PCLO: variants seen among roughly 807,000 people sequenced by gnomAD.
The protein encoded by PCLO is piccolo presynaptic cytomatrix protein.
A neutral mutation model predicts 427.5 loss-of-function variants in PCLO; 82 were observed. The ratio of observed to expected loss-of-function variants is 0.19; its 90% CI spans 0.16 to 0.23. The LOEUF (loss-of-function observed/expected upper bound fraction) is 0.23. Among genes scored for constraint, PCLO ranks in the 10% least tolerant of loss-of-function variants. The pLI is 1.00. For synonymous variants in PCLO, 2,357 were observed against 2,155.4 expected (o/e 1.09, Z -2.59); for missense variants, 6,239 against 6,115.9 (o/e 1.02, Z -0.67).
intron 3 of PCLO, among the ~76,000 whole-genome samples, chr7:83,072,894 C>T (rs910655798): frequency 6.6e-6 from 1 of 151,956 alleles, no homozygotes; most frequent in Admixed American, 6.6e-5. Flanking sequence ...TCCATAATTG[C>T]TTGACTCCTT....
intron 1 of PCLO, among the ~76,000 whole-genome samples, chr7:83,158,929 T>C (rs1332418710): frequency 6.6e-6 from 1 of 152,006 alleles, no homozygotes; most frequent in African/African-American, 2.4e-5. Context: ...GTAAAGGTGC[T>C]GCTGTCTTTT....
At chr7:83,086,889 T>TA (rs1386942479) in intron 3 of PCLO, among the ~76,000 whole-genome samples, 1 of 151,620 alleles carries the variant, frequency 6.6e-6, no homozygotes, top group Non-Finnish European at 1.5e-5. Flanking sequence ...TATGCAGCCA[T>TA]AAAAAAGGAT....
At chr7:83,150,714 A>G (rs543686800) in intron 2 of PCLO, among the ~76,000 whole-genome samples, 2 of 152,180 alleles carry the variant, frequency 1.3e-5, no homozygotes, top group Non-Finnish European at 2.9e-5. Context: ...GTAACAAAAA[A>G]TATTAGAGAA....
At chr7:83,120,610 T>A (rs1468691709) in intron 3 of PCLO, among the ~76,000 whole-genome samples, 1 of 151,306 alleles carries the variant, frequency 6.6e-6, no homozygotes, top group Non-Finnish European at 1.5e-5. Flanking sequence ...AAGAAGAAAA[T>A]AACATAAACA....
At chr7:83,137,519 C>T (rs1791759403) in intron 2 of PCLO, among the ~76,000 whole-genome samples, 1 of 152,162 alleles carries the variant, frequency 6.6e-6, no homozygotes, top group African/African-American at 2.4e-5. Flanking sequence ...CAAGCTCTGC[C>T]TCCCAGGTTC....
At chr7:83,115,286 T>C (rs1298504248) in intron 3 of PCLO, among the ~76,000 whole-genome samples, 1 of 152,042 alleles carries the variant, frequency 6.6e-6, no homozygotes, top group African/African-American at 2.4e-5. Flanking sequence ...GTGAAGTACT[T>C]TGAGATAATG....
At chr7:83,132,598 A>G (rs1308579064) in intron 3 of PCLO, among the ~76,000 whole-genome samples, 2 of 152,128 alleles carry the variant, frequency 1.3e-5, no homozygotes, top group Non-Finnish European at 2.9e-5. Flanking sequence ...AATTACTATA[A>G]TTCAGATGCA....
rs1475285037 is a variant in PCLO, at chr7:82,966,383, A to C, written c.3405T>G (p.Ser1135=). The C allele has an allele frequency of 2.5e-6, 4 of 1,613,710 alleles. No homozygotes were observed. The South Asian group carries it at 3.3e-5, about 13-fold the overall frequency. ...MPPAPSGPKA[S]PMPVPTESSS... The stretch of plus-strand genomic sequence containing the variant: ...ATGATTCTGTAGGAACAGGCATAGG[A>C]GATGCTTTGGGTCCTGATGGTGCAG... Residue 1135 remains serine, a synonymous_variant, in exon 4 of 25, where the codon TCT becomes TCG. Coordinates refer to ENST00000333891, the MANE Select transcript of PCLO (RefSeq NM_033026.6).
chr7:82,790,204 G>GTGTAATTTTCCTTCTGTGT (rs1562787328), intron 22 of PCLO, among the ~76,000 whole-genome samples: 1 of 151,980 alleles, frequency 6.6e-6, no homozygotes, highest in East Asian at 1.9e-4. Flanking sequence ...CCATCCTTCA[G>GTGTAATTTTCCTTCTGTGT]AACCCCAAAT....
In PCLO at chr7:82,951,325, A is replaced by C. The variant is rs763669516; in HGVS notation, c.9263T>G (p.Val3088Gly). The C allele has an allele frequency of 1.7e-5, 27 of 1,611,554 alleles. No individual in the cohort carries two copies. The Admixed American group carries it at 3.7e-4, about 22-fold the overall frequency. Residue 3088 changes from valine to glycine, a missense_variant, in exon 6 of 25, where the codon GTT becomes GGT. Physicochemically the swap from Val to Gly is moderately radical, Grantham distance 109 (BLOSUM62 -3). Transcript: ENST00000333891. ...VGSVLRSSNG[V>G]VYSSVATPTP... ...TGGAGTTGCTACTGAAGAATAGACA[A>C]CACCATTAGATGACCTCAAAACACT...
intron 9 of PCLO, among the ~76,000 whole-genome samples, chr7:82,898,131 G>A (rs563014538): frequency 7.9e-5 from 12 of 151,592 alleles, no homozygotes; most frequent in African/African-American, 2.7e-4. Context: ...GAAGGCAGCT[G>A]AATTTTCACA....
At chr7:82,978,450 A>G (rs985162961) in intron 3 of PCLO, among the ~76,000 whole-genome samples, 30 of 152,120 alleles carry the variant, frequency 2.0e-4, no homozygotes, top group African/African-American at 7.2e-4. Context: ...AATCTTTGTG[A>G]GACTCTGAAG....
intron 22 of PCLO, among the ~76,000 whole-genome samples, chr7:82,776,578 T>C (rs2129467973): frequency 6.6e-6 from 1 of 152,346 alleles, no homozygotes; most frequent in African/African-American, 2.4e-5. Context: ...GCAGATCACT[T>C]GAAATCAGAA....
At position 82,956,822 on chromosome 7, in the gene PCLO, A is replaced by T; in HGVS notation, c.4131T>A (p.Ile1377=). 2 of 1,613,480 alleles carry T rather than the reference A, an allele frequency of 1.2e-6. No homozygotes were observed. The highest frequency in any genetic ancestry group is 1.7e-6 in the Non-Finnish European group (2 of 1,179,484). The change falls in exon 5 of 25, where the codon ATT becomes ATA. Residue 1377 remains isoleucine (I), a synonymous_variant. Transcript: ENST00000333891. ...SDGISSSLGE[I]PSLIPTDEKD... ...TTTCATCAGTTGGAATAAGACTTGGAATTTCACCAAGTGAGCTTGATATTC... is the reference window on the plus strand; with the variant it reads ...TTTCATCAGTTGGAATAAGACTTGGTATTTCACCAAGTGAGCTTGATATTC...
chr7:83,000,012 C>T (rs1225832915), intron 3 of PCLO, among the ~76,000 whole-genome samples: 1 of 143,338 alleles, frequency 7.0e-6, no homozygotes, highest in Non-Finnish European at 1.5e-5. Context: ...CCAGGAAACT[C>T]TGAGAACACC....
intron 22 of PCLO, among the ~76,000 whole-genome samples, chr7:82,764,113 A>C (rs1030742863): frequency 6.6e-6 from 1 of 151,998 alleles, no homozygotes; most frequent in Non-Finnish European, 1.5e-5. Context: ...TATTTATGAC[A>C]AAGTATAAAG....
At chr7:82,789,668 G>A (rs1030596078) in intron 22 of PCLO, among the ~76,000 whole-genome samples, 1 of 152,154 alleles carries the variant, frequency 6.6e-6, no homozygotes, top group African/African-American at 2.4e-5. Flanking sequence ...TCGCACCACT[G>A]CGCTCCAGCC....
At chr7:83,048,082 GA>G (rs1187095965) in intron 3 of PCLO, among the ~76,000 whole-genome samples, 2 of 151,904 alleles carry the variant, frequency 1.3e-5, no homozygotes, top group Admixed American at 1.3e-4. Flanking sequence ...ACTTTGCTGG[GA>G]TTTATAATCT....
chr7:82,873,068 A>C (rs1793276028), intron 10 of PCLO, among the ~76,000 whole-genome samples: 1 of 152,112 alleles, frequency 6.6e-6, no homozygotes, highest in Non-Finnish European at 1.5e-5. Flanking sequence ...GGAAGCTTTT[A>C]CTAATTTATA....
Sources: gnomAD v4.1 joint callset for allele counts (sites outside exome capture counted in the v4.1 genomes callset) on GRCh38, gnomAD v4.1.1 for gene constraint, MANE v1.5 for transcripts, NCBI Gene and HGNC (gene_info 2026-07-23, HGNC 2026-07-21) for gene names.